LRRC4C: variants seen among roughly 807,000 people sequenced by gnomAD.
The protein encoded by LRRC4C is leucine rich repeat containing 4C.
Under a neutral mutation model 33.6 loss-of-function variants are expected in LRRC4C, and 5 were observed. The ratio of observed to expected loss-of-function variants is 0.15; its 90% CI spans 0.08 to 0.31. The LOEUF is 0.31. Among genes scored for constraint, LRRC4C ranks in the 10% least tolerant of loss-of-function variants. The probability of loss-of-function intolerance (pLI) is 1.00; values close to 1 mark genes in which losing one functional copy is unlikely to be tolerated. For synonymous variants in LRRC4C, 329 were observed against 302.0 expected, an observed-to-expected ratio of 1.09 and a Z score of -0.93; for missense variants, 560 against 796.7, an observed-to-expected ratio of 0.70 and a Z score of 3.58.
At chr11:41,221,383 T>C (rs1047614023) in intron 1 of LRRC4C, among the ~76,000 whole-genome samples, 2 of 152,028 alleles carry the variant, frequency 1.3e-5, no homozygotes, top group African/African-American at 4.8e-5. Flanking sequence ...ATGGCTATTA[T>C]TACAAAGTCA....
At chr11:40,476,285 G>A (rs184269988) in intron 3 of LRRC4C, among the ~76,000 whole-genome samples, 30 of 150,024 alleles carry the variant, frequency 2.0e-4, no homozygotes, top group Admixed American at 1.2e-3. Flanking sequence ...AACCAAAAGA[G>A]TCTTGACTAA....
intron 1 of LRRC4C, among the ~76,000 whole-genome samples, chr11:41,208,884 T>A (rs2136302529): frequency 6.6e-6 from 1 of 151,936 alleles, no homozygotes; most frequent in Admixed American, 6.5e-5. Flanking sequence ...GTCCTGGGGG[T>A]AGGGCACCCC....
At chr11:41,260,171 C>T (rs1267822765) in intron 1 of LRRC4C, among the ~76,000 whole-genome samples, 2 of 151,980 alleles carry the variant, frequency 1.3e-5, no homozygotes, top group African/African-American at 2.4e-5. Context: ...TTGTTTATAA[C>T]TTTCTTCAAT....
At chr11:40,355,086 T>G (rs1288621191) in intron 3 of LRRC4C, among the ~76,000 whole-genome samples, 2 of 152,100 alleles carry the variant, frequency 1.3e-5, no homozygotes, top group Non-Finnish European at 2.9e-5. Flanking sequence ...GCCCTTCTTT[T>G]CAGGGCAGTG....
At chr11:40,578,418 A>G (rs1434147857) in intron 3 of LRRC4C, among the ~76,000 whole-genome samples, 5 of 152,106 alleles carry the variant, frequency 3.3e-5, no homozygotes, top group Non-Finnish European at 5.9e-5. Flanking sequence ...AACTGCAAGT[A>G]TTTATTGTTA....
In LRRC4C at chr11:41,118,767, T is replaced by C. The variant is rs144387059; in HGVS notation, c.-495-185044A>G. 4.8e-3 allele frequency among the ~76,000 whole-genome samples: 730 copies of C among 152,276 alleles called. 3 individuals carry two copies. Among genetic ancestry groups the C allele is most frequent in the Non-Finnish European group, 7.0e-3 (477 of 68,020 alleles). On this transcript the variant is annotated intron_variant, in intron 1 of 6. Transcript: ENST00000528697. ...TAAAGCAACTTTCATTGTGATGCCATTGACCTAGTTTGAGTGTTGTTAGAC... is the reference window on the plus strand; with the variant it reads ...TAAAGCAACTTTCATTGTGATGCCACTGACCTAGTTTGAGTGTTGTTAGAC...
chr11:40,679,188 T>C (rs1050448800), intron 2 of LRRC4C, among the ~76,000 whole-genome samples: 11 of 152,074 alleles, frequency 7.2e-5, no homozygotes, highest in African/African-American at 2.7e-4. Context: ...TTGAGAGAGA[T>C]GATTTAGGGT....
At chr11:40,504,345 C>T (rs1382251351) in intron 3 of LRRC4C, among the ~76,000 whole-genome samples, 3 of 151,980 alleles carry the variant, frequency 2.0e-5, no homozygotes, top group Non-Finnish European at 4.4e-5. Flanking sequence ...GTGAAGTATA[C>T]TATGGGGAGT....
chr11:40,855,035 T>C (rs142324628), intron 2 of LRRC4C, among the ~76,000 whole-genome samples: 3 of 152,292 alleles, frequency 2.0e-5, no homozygotes, highest in Admixed American at 2.0e-4. Context: ...TTAATTTATT[T>C]TTAATAGCTG....
intron 3 of LRRC4C, among the ~76,000 whole-genome samples, chr11:40,388,222 G>A (rs970881189): frequency 6.6e-6 from 1 of 152,100 alleles, no homozygotes; most frequent in African/African-American, 2.4e-5. Context: ...CGGATAAGAT[G>A]AATTATCAGG....
At chr11:40,821,757 T>C (rs182963702) in intron 2 of LRRC4C, among the ~76,000 whole-genome samples, 2 of 151,712 alleles carry the variant, frequency 1.3e-5, no homozygotes, top group Admixed American at 1.3e-4. Flanking sequence ...TAAGAAGACA[T>C]GAGGACTAAA....
chr11:40,849,646 T>C (rs1019219493), intron 2 of LRRC4C, among the ~76,000 whole-genome samples: 1 of 152,100 alleles, frequency 6.6e-6, no homozygotes, highest in Non-Finnish European at 1.5e-5. Flanking sequence ...GGAGTATCTT[T>C]GTGGTGTTCT....
intron 1 of LRRC4C, among the ~76,000 whole-genome samples, chr11:41,059,664 A>T (rs1358528814): frequency 6.6e-6 from 1 of 152,158 alleles, no homozygotes; most frequent in African/African-American, 2.4e-5. Context: ...CTGTGTTTAT[A>T]AAAAGTCCTA....
intron 2 of LRRC4C, among the ~76,000 whole-genome samples, chr11:40,915,307 T>G (rs1592081104): frequency 6.6e-6 from 1 of 152,126 alleles, no homozygotes; most frequent in African/African-American, 2.4e-5. Flanking sequence ...ACTACAAGGC[T>G]ACAGTAACCA....
intron 3 of LRRC4C, among the ~76,000 whole-genome samples, chr11:40,448,752 G>A (rs1472599443): frequency 6.6e-6 from 1 of 152,222 alleles, no homozygotes; most frequent in East Asian, 1.9e-4. Flanking sequence ...TATAATCTTT[G>A]GGTATATACC....
intron 2 of LRRC4C, among the ~76,000 whole-genome samples, chr11:40,736,366 G>A (rs1404334031): frequency 6.6e-6 from 1 of 152,086 alleles, no homozygotes; most frequent in Non-Finnish European, 1.5e-5. Context: ...TGGCTGCATA[G>A]TATTCCATGG....
At chr11:41,334,188 T>C (rs1300747924) in intron 1 of LRRC4C, among the ~76,000 whole-genome samples, 3 of 152,342 alleles carry the variant, frequency 2.0e-5, no homozygotes, top group South Asian at 4.1e-4. Flanking sequence ...GCTCATTTCA[T>C]AGCATAGTAT....
rs537699737 is a variant in LRRC4C, at chr11:40,306,842, A to G, written c.-176+12786T>C. On this transcript the variant is annotated intron_variant, in intron 4 of 6. Transcript: ENST00000528697. ...GAGCTTGTACTGCCATTCACTATTT[A>G]ATGATCTTGGGTAAGATGTGCTATG... Among the ~76,000 whole-genome samples the G allele has an allele frequency of 9.2e-5, 14 of 152,180 alleles. No homozygotes were observed. The South Asian group carries it at 1.2e-3, about 14-fold the overall frequency.
chr11:40,217,482 G>A (rs10742532), intron 5 of LRRC4C, among the ~76,000 whole-genome samples: 112,686 of 151,958 alleles, frequency 0.74, 45,903 homozygotes, highest in East Asian at 0.96. Flanking sequence ...ATTCTATCAC[G>A]TACTACTTTT....
Sources: allele counts gnomAD v4.1 joint callset (sites outside exome capture counted in the v4.1 genomes callset), GRCh38; gene constraint gnomAD v4.1.1; transcripts MANE v1.5; gene names NCBI Gene and HGNC (gene_info 2026-07-23, HGNC 2026-07-21).